The following CD34 variants were observed in gnomAD, a reference collection of about 807,000 sequenced individuals.
CD34 encodes CD34 molecule.
A neutral mutation model predicts 40.1 loss-of-function variants in CD34; 34 were observed. The observed-to-expected ratio is 0.85, with a 90% CI of 0.65 to 1.13. The LOEUF is 1.13. CD34 is among the 50% of genes most tolerant of loss of function. The pLI, the probability that CD34 is intolerant of heterozygous loss-of-function variation, is 0.00. For synonymous variants in CD34, 209 were observed against 190.0 expected, an observed-to-expected ratio of 1.10 and a Z score of -0.82; for missense variants, 426 against 466.9, an observed-to-expected ratio of 0.91 and a Z score of 0.81.
chr1:207,889,743 A>G (rs761657795), intron 4 of CD34, 122 bp from the exon 5 acceptor site: 2 of 1,568,724 alleles, frequency 1.3e-6, no homozygotes, highest in Non-Finnish European at 1.7e-6. Flanking sequence ...CCTTGTTTCT[A>G]AAATTCCAAC....
chr1:207,899,189 GGT>G lies in CD34; in HGVS notation c.298_299del (p.Thr100LeufsTer37). ...AAGAGTTTGTGTTTCCATAAACTGAGGTTATCACAGAGGTAGATGTGAATTTG... is the reference window on the plus strand; with the variant it reads ...AAGAGTTTGTGTTTCCATAAACTGAGTATCACAGAGGTAGATGTGAATTTG... ...TVKFTSTSVI[T>X]SVYGNTNSSV... is the part of the protein sequence containing the mutation. On this transcript the variant is annotated frameshift_variant, in exon 3 of 8. Coordinates refer to ENST00000310833, the MANE Select transcript of CD34 (RefSeq NM_001025109.2). LOFTEE classifies it high-confidence loss of function. 6.2e-7 allele frequency: 1 copy of G among 1,614,116 alleles called. No individual in the cohort carries two copies. The highest frequency in any genetic ancestry group is 8.5e-7 in the Non-Finnish European group (1 of 1,179,936).
At chr1:207,908,369 T>C (rs1416814783) in intron 1 of CD34, among the ~76,000 whole-genome samples, 1 of 152,270 alleles carries the variant, frequency 6.6e-6, no homozygotes, top group Non-Finnish European at 1.5e-5. Flanking sequence ...TGCGGAGCAC[T>C]GGGGACCACT....
In CD34 at chr1:207,888,671, C is replaced by A. The variant is rs1369202277; in HGVS notation, c.972+11G>T. Reference sequence around the variant, plus strand: ...TTCCTCATTTCCTTTACCCTGGCCCCCAGAACTGACCAGCCTTTCTCCTGT... The same window carrying A: ...TTCCTCATTTCCTTTACCCTGGCCCACAGAACTGACCAGCCTTTCTCCTGT... On this transcript the variant is annotated intron_variant, in intron 7 of 7. Transcript: ENST00000310833. The A allele has an allele frequency of 4.3e-6, 7 of 1,613,786 alleles. No homozygotes were observed. Among genetic ancestry groups the A allele is most frequent in the African/African-American group, 1.3e-5 (1 of 74,922 alleles).
At chr1:207,896,001 T>G (rs1012648294) in intron 4 of CD34, among the ~76,000 whole-genome samples, 1 of 152,230 alleles carries the variant, frequency 6.6e-6, no homozygotes, top group East Asian at 1.9e-4. Context: ...ATTTCTGTTG[T>G]TTTTAGATGT....
At chr1:207,900,185 G>A (rs180753948) in intron 1 of CD34, among the ~76,000 whole-genome samples, 182 bp from the exon 2 acceptor site, 125 of 152,122 alleles carry the variant, frequency 8.2e-4, no homozygotes, top group African/African-American at 3.0e-3. Flanking sequence ...TTTGCCCTGA[G>A]GACATAGGGA....
At chr1:207,888,540 G>C (rs963908548) in intron 7 of CD34, 142 bp downstream of exon 7, 4 of 823,974 alleles carry the variant, frequency 4.9e-6, no homozygotes, top group Non-Finnish European at 8.0e-6. Flanking sequence ...ACCGATTACT[G>C]TGTGTGCACA....
In CD34 at chr1:207,907,419, T is replaced by C. The variant is rs145102177; in HGVS notation, c.79+3583A>G. Reference sequence around the variant, plus strand: ...TTTTATCATGCTCAGCAATTCAGCCTCCTGCCTACCTTTGCTCATCCAGGA... The same window carrying C: ...TTTTATCATGCTCAGCAATTCAGCCCCCTGCCTACCTTTGCTCATCCAGGA... On this transcript the variant is annotated intron_variant, in intron 1 of 7. Coordinates refer to ENST00000310833, the MANE Select transcript of CD34 (RefSeq NM_001025109.2). Among the ~76,000 whole-genome samples the C allele has an allele frequency of 2.4e-4, 37 of 152,242 alleles. 3 individuals are homozygous for C. In the East Asian group the frequency reaches 6.9e-3, roughly 29 times the overall value.
chr1:207,902,719 C>T (rs1236460683), intron 1 of CD34, among the ~76,000 whole-genome samples: 1 of 152,194 alleles, frequency 6.6e-6, no homozygotes, highest in East Asian at 1.9e-4. Flanking sequence ...GAATCCCCTC[C>T]CCCGAAGGGC....
Position 207,887,683 on chromosome 1 carries a change from A to G in CD34, c.*55T>C. On this transcript the variant is annotated 3_prime_UTR_variant, in exon 8 of 8. Coordinates refer to ENST00000310833, the MANE Select transcript of CD34 (RefSeq NM_001025109.2). ...CAGCATGGGGGTAGCACGTGGTCAG[A>G]TGCAGAGAGGGGTGCTCTCTCGGAC... 6.2e-7 allele frequency: 1 copy of G among 1,607,604 alleles called. No homozygotes were observed.
intron 1 of CD34, among the ~76,000 whole-genome samples, chr1:207,903,134 C>T (rs1558122641): frequency 6.6e-6 from 1 of 152,326 alleles, no homozygotes; most frequent in East Asian, 1.9e-4. Flanking sequence ...GGCATAAACA[C>T]TGCGGCACAG....
chr1:207,892,229 G>A (rs1478670351), intron 4 of CD34, among the ~76,000 whole-genome samples: 1 of 152,162 alleles, frequency 6.6e-6, no homozygotes, highest in Non-Finnish European at 1.5e-5. Flanking sequence ...ACTAGTCTGA[G>A]TGTCATGTTC....
At chr1:207,909,591 T>C (rs890754057) in intron 1 of CD34, among the ~76,000 whole-genome samples, 1 of 151,996 alleles carries the variant, frequency 6.6e-6, no homozygotes, top group Non-Finnish European at 1.5e-5. Context: ...GTAATTTTAG[T>C]AGAGATGGGG....
chr1:207,910,279 A>C (rs1019070297), intron 1 of CD34, among the ~76,000 whole-genome samples: 2 of 152,190 alleles, frequency 1.3e-5, no homozygotes, highest in African/African-American at 4.8e-5. Context: ...AAATTTGTGC[A>C]GGGGTGACGG....
intron 1 of CD34, among the ~76,000 whole-genome samples, chr1:207,910,504 G>A (rs1344318019): frequency 6.6e-6 from 1 of 152,056 alleles, no homozygotes; most frequent in Non-Finnish European, 1.5e-5. Flanking sequence ...TCCCTGATTC[G>A]CTTCCCTCGA....
chr1:207,900,040 G>C, intron 1 of CD34, 37 bp from the exon 2 acceptor site: 1 of 1,518,338 alleles, frequency 6.6e-7, no homozygotes, highest in East Asian at 2.3e-5. Context: ...AGAACCTAAA[G>C]ATATCAGCCT....
Position 207,881,565 on chromosome 1 carries a change from C to G in CD34, c.*6173G>C, listed in dbSNP as rs1356519791. On this transcript the variant is annotated 3_prime_UTR_variant, in exon 8 of 8. Transcript: ENST00000310833. Reference sequence around the variant, plus strand: ...GTCCCAGCTACTTGGGAGGCTGAGGCAGGAGAATGGCGTGAACCCGGGAGG... The same window carrying G: ...GTCCCAGCTACTTGGGAGGCTGAGGGAGGAGAATGGCGTGAACCCGGGAGG... 1 of 146,828 alleles carries G rather than the reference C, an allele frequency of 6.8e-6. No homozygotes were observed. The highest frequency in any genetic ancestry group is 1.5e-5 in the Non-Finnish European group (1 of 67,574). 9.1% of individuals were successfully genotyped at this position (146,828 alleles called of 1,614,324 possible). A position where few individuals can be genotyped will look rare whatever the true frequency, so the allele number is the denominator to read the frequency against.
At chr1:207,889,756 A>G (rs1661991682) in intron 4 of CD34, 135 bp from the exon 5 acceptor site, 2 of 1,237,462 alleles carry the variant, frequency 1.6e-6, no homozygotes, top group Non-Finnish European at 2.1e-6. Flanking sequence ...ATTCCAACAG[A>G]AAAAAAAAAA....
At position 207,887,628 on chromosome 1, in the gene CD34, G is replaced by C; in HGVS notation, c.*110C>G. 6.7e-7 allele frequency: 1 copy of C among 1,481,810 alleles called. No individual in the cohort carries two copies. Among genetic ancestry groups the C allele is most frequent in the East Asian group, 2.4e-5 (1 of 42,548 alleles). 91.8% of individuals were successfully genotyped at this position (1,481,810 alleles called of 1,614,324 possible). A position where few individuals can be genotyped will look rare whatever the true frequency, so the allele number is the denominator to read the frequency against. On this transcript the variant is annotated 3_prime_UTR_variant, in exon 8 of 8. Coordinates refer to ENST00000310833, the MANE Select transcript of CD34 (RefSeq NM_001025109.2). ...ACAGCCTCTGAGGTGTGTGCAGTGG[G>C]GAAGGGTTGGGCGTAAGAGATGTCA...
In CD34 at chr1:207,888,869, T is replaced by C. The variant is rs200503835; in HGVS notation, c.808-23A>G. On this transcript the variant is annotated intron_variant, in intron 6 of 7. Transcript: ENST00000310833. ...CAGCTTGAAAAGAAGACAAAGAAGATACAGCCTGTCACTTGCCAAAAGTGG... is the reference window on the plus strand; with the variant it reads ...CAGCTTGAAAAGAAGACAAAGAAGACACAGCCTGTCACTTGCCAAAAGTGG... 34 of 1,612,664 alleles carry C rather than the reference T, an allele frequency of 2.1e-5. No homozygotes were observed. The African/African-American group carries it at 3.2e-4, about 15-fold the overall frequency.
Sources: gnomAD v4.1 joint callset for allele counts (sites outside exome capture counted in the v4.1 genomes callset) on GRCh38, gnomAD v4.1.1 for gene constraint, MANE v1.5 for transcripts, NCBI Gene and HGNC (gene_info 2026-07-23, HGNC 2026-07-21) for gene names.